The following CSGALNACT1 variants were observed in gnomAD, a reference collection of about 807,000 sequenced individuals.
CSGALNACT1 encodes beta4GalNAcT-1.
A neutral mutation model predicts 51.0 loss-of-function variants in CSGALNACT1; 52 were observed. That is an observed-to-expected ratio of 1.02 (90% CI 0.82 to 1.29). The LOEUF (loss-of-function observed/expected upper bound fraction) is 1.29, where lower values mean the gene tolerates loss of function less well. CSGALNACT1 is among the 50% of genes most tolerant of loss of function. The probability of loss-of-function intolerance (pLI) is 0.00; values close to 1 mark genes in which losing one functional copy is unlikely to be tolerated. For missense variants in CSGALNACT1, 935 were observed against 679.2 expected (o/e 1.38, Z -4.19); for synonymous variants, 341 against 254.4 (o/e 1.34, Z -3.24).
At chr8:19,651,949 T>A (rs1276040319) in intron 1 of CSGALNACT1, among the ~76,000 whole-genome samples, 2 of 151,816 alleles carry the variant, frequency 1.3e-5, no homozygotes, top group Admixed American at 6.6e-5. Flanking sequence ...TGACTTTTTT[T>A]AGACAGGCTC....
intron 1 of CSGALNACT1, among the ~76,000 whole-genome samples, chr8:19,716,936 G>C (rs2062845431): frequency 6.6e-6 from 1 of 152,094 alleles, no homozygotes; most frequent in Non-Finnish European, 1.5e-5. Flanking sequence ...ATGACTAAGG[G>C]TCTGCAATCC....
At chr8:19,611,669 G>A (rs2052284115) in intron 1 of CSGALNACT1, among the ~76,000 whole-genome samples, 1 of 152,162 alleles carries the variant, frequency 6.6e-6, no homozygotes, top group East Asian at 1.9e-4. Flanking sequence ...TCTTCTTCAT[G>A]AACAGGATCC....
chr8:19,667,116 A>G (rs1210712941), intron 1 of CSGALNACT1, among the ~76,000 whole-genome samples: 5 of 151,070 alleles, frequency 3.3e-5, no homozygotes, highest in Admixed American at 3.3e-4. Context: ...AAATCTCATC[A>G]CAATATCAAA....
At chr8:19,709,846 C>T (rs753233952) in intron 1 of CSGALNACT1, among the ~76,000 whole-genome samples, 13 of 152,084 alleles carry the variant, frequency 8.5e-5, no homozygotes, top group African/African-American at 1.2e-4. Flanking sequence ...TGTAAGTGGA[C>T]GCAGGACAGA....
chr8:19,639,688 A>G (rs1589209872), intron 1 of CSGALNACT1, among the ~76,000 whole-genome samples: 1 of 152,096 alleles, frequency 6.6e-6, no homozygotes. Context: ...CTCTTCTTCC[A>G]CCTCAAGGGG....
At chr8:19,626,958 A>C (rs191250474) in intron 1 of CSGALNACT1, among the ~76,000 whole-genome samples, 1 of 152,342 alleles carries the variant, frequency 6.6e-6, no homozygotes, top group Admixed American at 6.5e-5. Context: ...GCTGGTGGGA[A>C]TGTGAAATGT....
chr8:19,577,518 A>G (rs2044533911), intron 3 of CSGALNACT1, among the ~76,000 whole-genome samples: 2 of 151,722 alleles, frequency 1.3e-5, no homozygotes, highest in African/African-American at 4.8e-5. Context: ...CTGCAATTGC[A>G]TTACCGCACT....
At chr8:19,628,577 C>T (rs138844576) in intron 1 of CSGALNACT1, among the ~76,000 whole-genome samples, 1 of 152,050 alleles carries the variant, frequency 6.6e-6, no homozygotes, top group Admixed American at 6.5e-5. Flanking sequence ...TGAGCAAGGA[C>T]GCTGTTGCTA....
chr8:19,726,343 T>C (rs2063399728), intron 1 of CSGALNACT1, among the ~76,000 whole-genome samples: 2 of 152,098 alleles, frequency 1.3e-5, no homozygotes. Context: ...ACTACCTTGA[T>C]AAATACAGAA....
At chr8:19,582,634 G>T (rs1347225863) in intron 3 of CSGALNACT1, among the ~76,000 whole-genome samples, 1 of 152,144 alleles carries the variant, frequency 6.6e-6, no homozygotes, top group Non-Finnish European at 1.5e-5. Context: ...CTTGGGATCA[G>T]CTGGAAAGAC....
At chr8:19,408,063 T>C (rs2054700206) in intron 9 of CSGALNACT1, among the ~76,000 whole-genome samples, 1 of 152,136 alleles carries the variant, frequency 6.6e-6, no homozygotes, top group Non-Finnish European at 1.5e-5. Context: ...AGTTCCCCTA[T>C]TTCCCTCATA....
chr8:19,676,950 G>A (rs915032794), intron 1 of CSGALNACT1, among the ~76,000 whole-genome samples: 2 of 152,172 alleles, frequency 1.3e-5, no homozygotes, highest in Non-Finnish European at 2.9e-5. Context: ...CAATGAAAGA[G>A]TTATTAGTAG....
intron 1 of CSGALNACT1, among the ~76,000 whole-genome samples, chr8:19,613,358 T>G (rs781774744): frequency 1.3e-5 from 2 of 152,252 alleles, no homozygotes; most frequent in Non-Finnish European, 2.9e-5. Context: ...GATCATCCCT[T>G]TCCTACATCA....
intron 1 of CSGALNACT1, among the ~76,000 whole-genome samples, chr8:19,711,585 T>C (rs377245285): frequency 9.2e-5 from 14 of 152,192 alleles, no homozygotes; most frequent in African/African-American, 3.4e-4. Context: ...AATTAATATA[T>C]TTCAGAAATG....
rs115927576 is a variant in CSGALNACT1 at position 19,471,800 on chromosome 8, C to G, written c.635-13158G>C. ...CTCAACGGAAGAGATGGGGAAGAAA[C>G]AGATTCTGAGGATGTTTAAGTCTAA... On this transcript the variant is annotated intron_variant, in intron 4 of 9. Transcript: ENST00000454498. Among the ~76,000 whole-genome samples the G allele has an allele frequency of 8.9e-3, 1,357 of 152,260 alleles. 20 individuals are homozygous for G. The highest frequency in any genetic ancestry group is 0.031 in the African/African-American group (1,292 of 41,556).
chr8:19,530,913 C>T (rs1293709162), intron 3 of CSGALNACT1, among the ~76,000 whole-genome samples: 2 of 152,168 alleles, frequency 1.3e-5, no homozygotes, highest in African/African-American at 2.4e-5. Context: ...GAGTTACTGC[C>T]TCTAGCCCCA....
At chr8:19,499,398 G>A (rs1435583860) in intron 4 of CSGALNACT1, among the ~76,000 whole-genome samples, 1 of 152,064 alleles carries the variant, frequency 6.6e-6, no homozygotes. Flanking sequence ...CACAGTTCTT[G>A]GAACATAGTG....
chr8:19,649,662 T>C (rs1271458351), intron 1 of CSGALNACT1, among the ~76,000 whole-genome samples: 1 of 151,610 alleles, frequency 6.6e-6, no homozygotes, highest in Non-Finnish European at 1.5e-5. Context: ...AATGATAAAA[T>C]ATCCATACAC....
chr8:19,564,143 A>G (rs2041409854), intron 3 of CSGALNACT1, among the ~76,000 whole-genome samples: 1 of 152,190 alleles, frequency 6.6e-6, no homozygotes, highest in South Asian at 2.1e-4. Flanking sequence ...CGCACAGAAC[A>G]TTTCGCAAAC....
Sources: allele counts gnomAD v4.1 joint callset (sites outside exome capture counted in the v4.1 genomes callset), GRCh38; gene constraint gnomAD v4.1.1; transcripts MANE v1.5; gene names NCBI Gene and HGNC (gene_info 2026-07-23, HGNC 2026-07-21).